The following SORCS3 variants were observed in gnomAD, a reference collection of about 807,000 sequenced individuals.
SORCS3 encodes the protein sortilin related VPS10 domain containing receptor 3, also known as VPS10 domain-containing receptor SorCS3.
Under a neutral mutation model 146.3 loss-of-function variants are expected in SORCS3, and 57 were observed. The observed-to-expected ratio is 0.39, with a 90% CI of 0.31 to 0.49. The LOEUF (loss-of-function observed/expected upper bound fraction) is 0.49. Among genes scored for constraint, SORCS3 ranks in the 20% least tolerant of loss-of-function variants. The pLI is 0.92. For missense variants in SORCS3, 1,341 were observed against 1,575.5 expected (o/e 0.85, Z 2.52); for synonymous variants, 653 against 618.5 (o/e 1.06, Z -0.83).
chr10:105,081,920 G>A (rs2055628894), intron 5 of SORCS3, among the ~76,000 whole-genome samples: 1 of 152,168 alleles, frequency 6.6e-6, no homozygotes, highest in African/African-American at 2.4e-5. Context: ...AGGCAGGAAA[G>A]TGAGACCTCT....
At chr10:104,860,391 G>A (rs2018386767) in intron 2 of SORCS3, among the ~76,000 whole-genome samples, 1 of 137,746 alleles carries the variant, frequency 7.3e-6, no homozygotes, top group Non-Finnish European at 1.6e-5. Flanking sequence ...GACACAGGAA[G>A]GGGAACATCA....
chr10:105,025,880 A>ACC (rs943895293), intron 4 of SORCS3, among the ~76,000 whole-genome samples: 11 of 148,454 alleles, frequency 7.4e-5, no homozygotes, highest in African/African-American at 2.5e-4. Context: ...ACACACACAC[A>ACC]CCTGAAGAAC....
intron 2 of SORCS3, among the ~76,000 whole-genome samples, chr10:104,868,069 A>G (rs1375945168): frequency 2.0e-5 from 3 of 152,002 alleles, no homozygotes; most frequent in East Asian, 3.9e-4. Flanking sequence ...CTTGCTTCAT[A>G]TTTTCATATA....
intron 3 of SORCS3, among the ~76,000 whole-genome samples, chr10:104,924,410 CGTCG>C (rs2019118118): frequency 6.6e-6 from 1 of 152,194 alleles, no homozygotes; most frequent in South Asian, 2.1e-4. Flanking sequence ...TAGCATTCCA[CGTCG>C]GTCCTGCTGA....
At chr10:104,856,480 C>T (rs2133557015) in intron 2 of SORCS3, among the ~76,000 whole-genome samples, 1 of 119,400 alleles carries the variant, frequency 8.4e-6, no homozygotes, top group African/African-American at 4.5e-5. Context: ...ATATATGCCT[C>T]TAATTGATTA....
intron 3 of SORCS3, among the ~76,000 whole-genome samples, chr10:104,969,340 TGC>T (rs1554863654): frequency 2.3e-4 from 26 of 112,406 alleles, no homozygotes; most frequent in Admixed American, 1.1e-3. Flanking sequence ...TGTGTGTGTG[TGC>T]GCGCGCGCGT....
At chr10:104,885,201 A>G (rs1190980825) in intron 2 of SORCS3, among the ~76,000 whole-genome samples, 2 of 152,144 alleles carry the variant, frequency 1.3e-5, no homozygotes, top group Non-Finnish European at 2.9e-5. Flanking sequence ...TCTCATGGGC[A>G]CAGCCTGGTG....
rs1564799390 is a variant in SORCS3, at chr10:105,264,003, T to A, written c.*629T>A. 1 of 152,614 alleles carries A rather than the reference T, an allele frequency of 6.6e-6. No individual in the cohort carries two copies. Among genetic ancestry groups the A allele is most frequent in the Non-Finnish European group, 1.5e-5 (1 of 68,260 alleles). 9.5% of individuals were successfully genotyped at this position (152,614 alleles called of 1,614,324 possible). On this transcript the variant is annotated 3_prime_UTR_variant, in exon 27 of 27. Transcript: ENST00000369701. ...AAAAAGAAAGATGCGTGTGTTGGCT[T>A]ACGCACTGGCCCTCAGAGCTGACCA...
At chr10:104,731,573 T>A (rs540132184) in intron 1 of SORCS3, among the ~76,000 whole-genome samples, 1 of 152,280 alleles carries the variant, frequency 6.6e-6, no homozygotes, top group Non-Finnish European at 1.5e-5. Context: ...TAGTCTACCT[T>A]CCAGACTCTA....
intron 9 of SORCS3, among the ~76,000 whole-genome samples, chr10:105,153,376 T>C (rs2056181357): frequency 6.6e-6 from 1 of 152,218 alleles, no homozygotes; most frequent in African/African-American, 2.4e-5. Flanking sequence ...TTTAGGTTAC[T>C]TTTTAAAATT....
chr10:105,198,278 C>T (rs1010002520), intron 14 of SORCS3, among the ~76,000 whole-genome samples: 26 of 152,212 alleles, frequency 1.7e-4, no homozygotes, highest in African/African-American at 5.3e-4. Context: ...TAACATCCTG[C>T]ACTAGTAAGT....
At position 104,729,662 on chromosome 10, in the gene SORCS3, G is replaced by A. The variant is rs139902783; in HGVS notation, c.627+87708G>A. 7.2e-5 allele frequency among the ~76,000 whole-genome samples: 11 copies of A among 152,282 alleles called. No individual in the cohort carries two copies. In the East Asian group the frequency reaches 7.7e-4, roughly 11 times the overall value. On this transcript the variant is annotated intron_variant, in intron 1 of 26. Transcript: ENST00000369701. Reference sequence around the variant, plus strand: ...CAAATGTGTGATAGGGAGGTTTGGCGTATCCATATTTCAGAAGGTATTAGG... The same window carrying A: ...CAAATGTGTGATAGGGAGGTTTGGCATATCCATATTTCAGAAGGTATTAGG...
intron 1 of SORCS3, among the ~76,000 whole-genome samples, chr10:104,776,825 G>A (rs57910001): frequency 0.012 from 1,877 of 150,750 alleles, 41 homozygotes; most frequent in African/African-American, 0.043. Context: ...CTTCACTAAC[G>A]GTATCAGCTT....
chr10:104,988,824 C>A (rs2054976939), intron 4 of SORCS3, among the ~76,000 whole-genome samples: 1 of 152,136 alleles, frequency 6.6e-6, no homozygotes, highest in Admixed American at 6.6e-5. Context: ...AAAACTCAAG[C>A]AATATGCAAA....
chr10:104,861,473 G>A (rs1230476149), intron 2 of SORCS3, among the ~76,000 whole-genome samples: 15 of 152,164 alleles, frequency 9.9e-5, no homozygotes, highest in Non-Finnish European at 1.6e-4. Flanking sequence ...CTGCCTATGA[G>A]GGCTTGCTTC....
At chr10:104,953,566 A>G (rs2019456142) in intron 3 of SORCS3, among the ~76,000 whole-genome samples, 1 of 152,248 alleles carries the variant, frequency 6.6e-6, no homozygotes, top group Admixed American at 6.5e-5. Flanking sequence ...GGCATTTTCC[A>G]GGTGCCACCA....
In SORCS3 at chr10:105,204,659, G is replaced by A. The variant is rs898270293; in HGVS notation, c.2261+3406G>A. ...TTGAGTAAAGTAGAGAAGTAGACAA[G>A]GCCAGATGCTCAGTTTGTGGTCATA... On this transcript the variant is annotated intron_variant, in intron 16 of 26. Transcript: ENST00000369701. Among the ~76,000 whole-genome samples, 45 of 151,646 alleles carry A rather than the reference G, an allele frequency of 3.0e-4. No homozygotes were observed. The East Asian group carries it at 5.4e-3, about 18-fold the overall frequency.
At chr10:104,682,887 C>G (rs965402980) in intron 1 of SORCS3, among the ~76,000 whole-genome samples, 1 of 152,124 alleles carries the variant, frequency 6.6e-6, no homozygotes, top group African/African-American at 2.4e-5. Flanking sequence ...TGCAGCAGCC[C>G]CTGAAGCTCT....
intron 8 of SORCS3, among the ~76,000 whole-genome samples, chr10:105,143,502 T>C (rs979102070): frequency 6.6e-6 from 1 of 152,206 alleles, no homozygotes; most frequent in Admixed American, 6.5e-5. Flanking sequence ...AAGCTTCTAG[T>C]CTGCACTTTA....
Sources: gnomAD v4.1 joint callset for allele counts (sites outside exome capture counted in the v4.1 genomes callset) on GRCh38, gnomAD v4.1.1 for gene constraint, MANE v1.5 for transcripts, NCBI Gene and HGNC (gene_info 2026-07-23, HGNC 2026-07-21) for gene names.